DCTN3: variants seen among roughly 807,000 people sequenced by gnomAD.
DCTN3 encodes dynactin subunit 3.
A neutral mutation model predicts 28.4 loss-of-function variants in DCTN3; 25 were observed. The observed-to-expected ratio is 0.88, with a 90% CI of 0.64 to 1.23. The LOEUF is 1.23. Among genes scored for constraint, DCTN3 ranks in the 50% most tolerant of loss-of-function variants. The pLI is 0.00. For missense variants in DCTN3, 229 were observed against 232.0 expected (o/e 0.99, Z 0.08); for synonymous variants, 81 against 91.4 (o/e 0.89, Z 0.65).
chr9:34,618,091 C>T lies in DCTN3; in HGVS notation c.182-120G>A, dbSNP rs1587208089. The T allele has an allele frequency of 1.3e-5, 12 of 926,098 alleles. No individual in the cohort carries two copies. The East Asian group carries it at 3.2e-4, about 25-fold the overall frequency. The allele number at this position is 926,098 out of a possible 1,614,324, so 57.4% of individuals were successfully genotyped here. A position where few individuals can be genotyped will look rare whatever the true frequency, so the allele number is the denominator to read the frequency against. On this transcript the variant is annotated intron_variant, in intron 2 of 6. Transcript: ENST00000259632. ...CCTTCAATGAGGAGCTGATACCCAACAGTGCCACATGAGCAGGGCTCCACC... is the reference window on the plus strand; with the variant it reads ...CCTTCAATGAGGAGCTGATACCCAATAGTGCCACATGAGCAGGGCTCCACC...
rs977172696 is a variant in DCTN3, at chr9:34,613,826, A to G, written c.517T>C (p.Cys173Arg). The change falls in exon 7 of 7, where the codon TGC becomes CGC. Residue 173 changes from cysteine to arginine, a missense_variant. Coordinates refer to ENST00000259632, the MANE Select transcript of DCTN3 (RefSeq NM_007234.5). ...KQFVQWDELL[C>R]QLEAATQVKP... ...ACTTGCGTGGCGGCCTCTAGCTGGCAAAGTAGCTCATCCCACTGCACGAAT... is the reference window on the plus strand; with the variant it reads ...ACTTGCGTGGCGGCCTCTAGCTGGCGAAGTAGCTCATCCCACTGCACGAAT... 1 of 1,614,190 alleles carries G rather than the reference A, an allele frequency of 6.2e-7. No homozygotes were observed. The highest frequency in any genetic ancestry group is 8.5e-7 in the Non-Finnish European group (1 of 1,180,014).
Position 34,616,181 on chromosome 9 carries a change from G to T in DCTN3, c.269-68C>A, listed in dbSNP as rs1820422303. 1.6e-6 allele frequency: 2 copies of T among 1,266,602 alleles called. No individual in the cohort carries two copies. The highest frequency in any genetic ancestry group is 2.3e-6 in the Non-Finnish European group (2 of 874,480). 78.5% of individuals were successfully genotyped at this position (1,266,602 alleles called of 1,614,324 possible). A position where few individuals can be genotyped will look rare whatever the true frequency, so the allele number is the denominator to read the frequency against. The stretch of plus-strand genomic sequence containing the variant: ...GGGCATTGCTAATCAGCCCATGTAA[G>T]GGCCTGAGGACCTGGCAAGGGAGAT... On this transcript the variant is annotated intron_variant, in intron 3 of 6. Transcript: ENST00000259632. The surrounding 1 kb of genome is among the most constrained non-coding windows in gnomAD (Gnocchi z 4.7).
intron 4 of DCTN3, 188 bp downstream of exon 4, chr9:34,615,842 A>T: frequency 2.2e-6 from 1 of 447,084 alleles, no homozygotes; most frequent in Non-Finnish European, 4.0e-6. Flanking sequence ...CAGCGGTTGC[A>T]GTGAGTCAAG....
At chr9:34,615,905 A>AG in intron 4 of DCTN3, 125 bp downstream of exon 4, 1 of 710,688 alleles carries the variant, frequency 1.4e-6, no homozygotes. Context: ...TGTCCAAAAA[A>AG]AAAAAAAAAA....
rs1190312971 is a variant in DCTN3, at chr9:34,620,398, C to A, written c.67G>T (p.Gly23Trp). 3 of 1,593,534 alleles carry A rather than the reference C, an allele frequency of 1.9e-6. No individual in the cohort carries two copies. The Admixed American group carries it at 5.3e-5, about 28-fold the overall frequency. Residue 23 changes from glycine to tryptophan, a missense_variant, in exon 1 of 7, where the codon GGG becomes TGG. Gly to Trp is a radical substitution (Grantham distance 184, BLOSUM62 -2). Transcript: ENST00000259632. ...CGTGAGCCGCGCGCCCCGCCCGGCC[C>A]GTACACCCAGCGCTCCAGCTCTTCC... is the stretch of plus-strand genomic sequence containing the variant. ...RVEELERWVY[G>W]PGGARGSRKV...
chr9:34,614,557 C>T (rs1820377921), intron 5 of DCTN3, 153 bp downstream of exon 5: 3 of 809,302 alleles, frequency 3.7e-6, no homozygotes, highest in Non-Finnish European at 5.9e-6. Flanking sequence ...GTCCCTTTAC[C>T]TCCCTGGGGC....
Position 34,613,772 on chromosome 9 carries a change from G to GGAGCA in DCTN3, c.*5_*9dup, listed in dbSNP as rs1217384153. On this transcript the variant is annotated 3_prime_UTR_variant, in exon 7 of 7. Coordinates refer to ENST00000259632, the MANE Select transcript of DCTN3 (RefSeq NM_007234.5). Reference sequence around the variant, plus strand: ...ACTGCCCAGGCCCACTTTGGGATGGGGAGCAGCTATCACTCCTCTGCTGGC... The same window carrying GGAGCA: ...ACTGCCCAGGCCCACTTTGGGATGGGGAGCAGAGCAGCTATCACTCCTCTGCTGGC... 1 of 1,613,456 alleles carries GGAGCA rather than the reference G, an allele frequency of 6.2e-7. No homozygotes were observed. Among genetic ancestry groups the GGAGCA allele is most frequent in the African/African-American group, 1.3e-5 (1 of 74,936 alleles).
chr9:34,619,443 G>A (rs1263478060), intron 1 of DCTN3, among the ~76,000 whole-genome samples: 1 of 152,130 alleles, frequency 6.6e-6, no homozygotes, highest in Non-Finnish European at 1.5e-5. Context: ...TAAAGTTTAG[G>A]GGTAGAATGT....
At chr9:34,618,802 G>A (rs764253472) in intron 1 of DCTN3, 42 bp from the exon 2 acceptor site, 1 of 1,502,612 alleles carries the variant, frequency 6.7e-7, no homozygotes, top group Non-Finnish European at 9.3e-7. Context: ...ATACTACCTG[G>A]CTCAAGGCTT....
intron 2 of DCTN3, 79 bp downstream of exon 2, chr9:34,618,597 A>C: frequency 9.3e-7 from 1 of 1,073,886 alleles, no homozygotes; most frequent in Non-Finnish European, 1.5e-6. Context: ...TGACCTAATG[A>C]ACTGAAGGGC....
intron 5 of DCTN3, 62 bp downstream of exon 5, chr9:34,614,648 T>A (rs776790598): frequency 2.5e-6 from 4 of 1,587,806 alleles, no homozygotes; most frequent in Non-Finnish European, 2.6e-6. Flanking sequence ...CCAGGTGGCA[T>A]GAGTTGGGAT....
Position 34,614,767 on chromosome 9 carries a change from G to A in DCTN3, c.354C>T (p.Ala118=), listed in dbSNP as rs751302505. The A allele has an allele frequency of 7.4e-6, 12 of 1,614,024 alleles. No individual in the cohort carries two copies. Among genetic ancestry groups the A allele is most frequent in the African/African-American group, 2.7e-5 (2 of 75,052 alleles). ...GCAGGCGGGCAGCATGCTCAGGAAC[G>A]GCTGTAAAACACAACACACACTGCT... ...VPMLDSAHIK[A]VPEHAARLQR... Residue 118 remains alanine, a splice_region_variant and synonymous_variant, in exon 5 of 7, where the codon GCC becomes GCT. Coordinates refer to ENST00000259632, the MANE Select transcript of DCTN3 (RefSeq NM_007234.5).
chr9:34,616,294 A>G lies in DCTN3; in HGVS notation c.269-181T>C. On this transcript the variant is annotated intron_variant, in intron 3 of 6. Coordinates refer to ENST00000259632, the MANE Select transcript of DCTN3 (RefSeq NM_007234.5). The surrounding 1 kb of genome is among the most constrained non-coding windows in gnomAD (Gnocchi z 4.7). ...TCCATCCTGCCCCCAACTCTCCTGGATGCCTCAGGTCTGACCCATCTGAGC... is the reference window on the plus strand; with the variant it reads ...TCCATCCTGCCCCCAACTCTCCTGGGTGCCTCAGGTCTGACCCATCTGAGC... 1.8e-6 allele frequency: 1 copy of G among 564,734 alleles called. No individual in the cohort carries two copies. Among genetic ancestry groups the G allele is most frequent in the East Asian group, 3.0e-5 (1 of 32,958 alleles). 35.0% of individuals were successfully genotyped at this position (564,734 alleles called of 1,614,324 possible). A position where few individuals can be genotyped will look rare whatever the true frequency, so the allele number is the denominator to read the frequency against.
chr9:34,618,476 C>G (rs1042478072), intron 2 of DCTN3, among the ~76,000 whole-genome samples, 200 bp downstream of exon 2: 6 of 152,332 alleles, frequency 3.9e-5, no homozygotes, highest in African/African-American at 1.4e-4. Context: ...AGGACACTGT[C>G]ATGGGCTTGA....
chr9:34,617,014 G>A (rs1208281285), intron 3 of DCTN3, among the ~76,000 whole-genome samples: 1 of 152,214 alleles, frequency 6.6e-6, no homozygotes, highest in Admixed American at 6.5e-5. Context: ...GCAAGTGGAT[G>A]CACAATTCCT....
rs888987560 is a variant in DCTN3, at chr9:34,614,372, G to A, written c.412-271C>T. 4.2e-6 allele frequency: 3 copies of A among 712,566 alleles called. No homozygotes were observed. In the Admixed American group the frequency reaches 9.1e-5, roughly 22 times the overall value. 44.1% of individuals were successfully genotyped at this position (712,566 alleles called of 1,614,324 possible). A position where few individuals can be genotyped will look rare whatever the true frequency, so the allele number is the denominator to read the frequency against. On this transcript the variant is annotated intron_variant, in intron 5 of 6. Coordinates refer to ENST00000259632, the MANE Select transcript of DCTN3 (RefSeq NM_007234.5). Reference sequence around the variant, plus strand: ...TGTCTCTTCTTCTGTCCTTATTTCTGAACTCTCTTTGAACTTTACACTAGG... The same window carrying A: ...TGTCTCTTCTTCTGTCCTTATTTCTAAACTCTCTTTGAACTTTACACTAGG...
chr9:34,618,255 G>A (rs973929123), intron 2 of DCTN3, among the ~76,000 whole-genome samples: 4 of 151,920 alleles, frequency 2.6e-5, no homozygotes, highest in African/African-American at 9.7e-5. Context: ...CCTCACCAAG[G>A]GTAGAAGGCC....
At chr9:34,620,270 C>A in intron 1 of DCTN3, 99 bp downstream of exon 1, 1 of 1,035,970 alleles carries the variant, frequency 9.7e-7, no homozygotes, top group Admixed American at 2.1e-5. Context: ...AAAGGCCGGG[C>A]TGCGGAGAAC....
In DCTN3 at chr9:34,617,944, G is replaced by A. The variant is rs752733729; in HGVS notation, c.209C>T (p.Pro70Leu). 1 of 1,613,822 alleles carries A rather than the reference G, an allele frequency of 6.2e-7. No homozygotes were observed. Residue 70 changes from proline to leucine, a missense_variant, in exon 3 of 7, where the codon CCT (proline) becomes CTT (leucine). By Grantham distance (98) the Pro-to-Leu change is moderately conservative. Coordinates refer to ENST00000259632, the MANE Select transcript of DCTN3 (RefSeq NM_007234.5). ...KIEDLIKYLD[P>L]EYIDRIAIPD... ...TATGGCAATGCGGTCGATGTACTCA[G>A]GATCCAGGTACTTGATCAGATCTTC...
Sources: allele counts gnomAD v4.1 joint callset (sites outside exome capture counted in the v4.1 genomes callset), GRCh38; gene constraint gnomAD v4.1.1; non-coding constraint Gnocchi (gnomAD v3.1); transcripts MANE v1.5; gene names NCBI Gene and HGNC (gene_info 2026-07-23, HGNC 2026-07-21).